The following MMS22L variants were observed in gnomAD, a reference collection of about 807,000 sequenced individuals.
The protein encoded by MMS22L is MMS22 like, DNA repair protein.
A neutral mutation model predicts 159.1 loss-of-function variants in MMS22L; 74 were observed. That is an observed-to-expected ratio of 0.47 (90% CI 0.39 to 0.56). The LOEUF is 0.56. Among genes scored for constraint, MMS22L ranks in the 20% least tolerant of loss-of-function variants. The pLI is 0.00. For missense variants in MMS22L, 1,351 were observed against 1,422.1 expected (o/e 0.95, Z 0.80); for synonymous variants, 517 against 506.9 (o/e 1.02, Z -0.27).
chr6:97,182,162 A>ATAT (rs2128275381), intron 15 of MMS22L, 108 bp from the exon 16 acceptor site: 2 of 858,204 alleles, frequency 2.3e-6, no homozygotes, highest in East Asian at 5.2e-5. Flanking sequence ...TTTAAGTAAC[A>ATAT]AATAATAAAA....
chr6:97,192,014 T>C (rs971272739), intron 14 of MMS22L, among the ~76,000 whole-genome samples: 1 of 152,178 alleles, frequency 6.6e-6, no homozygotes. Flanking sequence ...GTTTCAATCC[T>C]GAGTCCCAAT....
chr6:97,237,122 A>C (rs1229941896), intron 11 of MMS22L, among the ~76,000 whole-genome samples: 1 of 152,164 alleles, frequency 6.6e-6, no homozygotes, highest in Non-Finnish European at 1.5e-5. Context: ...GCAAAATGAA[A>C]AGAAAAATGA....
At chr6:97,242,081 G>C (rs1812139944) in intron 11 of MMS22L, among the ~76,000 whole-genome samples, 1 of 152,156 alleles carries the variant, frequency 6.6e-6, no homozygotes, top group African/African-American at 2.4e-5. Flanking sequence ...TCTGCAGTTT[G>C]AGTAGAATGT....
At chr6:97,172,086 G>A (rs970463627) in intron 19 of MMS22L, among the ~76,000 whole-genome samples, 1 of 151,888 alleles carries the variant, frequency 6.6e-6, no homozygotes, top group Non-Finnish European at 1.5e-5. Flanking sequence ...ATTTATCTTG[G>A]CAAAAATCTA....
intron 14 of MMS22L, among the ~76,000 whole-genome samples, chr6:97,193,180 T>C (rs1373148267): frequency 6.6e-6 from 1 of 152,210 alleles, no homozygotes; most frequent in Non-Finnish European, 1.5e-5. Context: ...TGCCAGGCTC[T>C]ATAGGGATTC....
rs193103193 is a variant in MMS22L at position 97,162,119 on chromosome 6, C to A, written c.3268G>T (p.Ala1090Ser). ...TGGAGGATGAAGGCCAGAATGGATG[C>A]TAAGCGAGGAGGAGGTGAGGACCCC... Reference protein sequence around the residue: ...YKGSSPPPRLASILAFILQLF... With the variant: ...YKGSSPPPRLSSILAFILQLF... Residue 1090 changes from alanine to serine, a missense_variant, in exon 22 of 25, where the codon GCA (alanine) becomes TCA (serine). By Grantham distance (99) the Ala-to-Ser change is moderately conservative. Coordinates refer to ENST00000683635, the MANE Select transcript of MMS22L (RefSeq NM_001350599.2). The A allele has an allele frequency of 2.5e-5, 41 of 1,610,916 alleles. 1 individual carries two copies. In the Admixed American group the frequency reaches 6.7e-4, roughly 26 times the overall value.
chr6:97,254,485 A>G (rs1475146933), intron 10 of MMS22L, 72 bp downstream of exon 10: 2 of 1,261,914 alleles, frequency 1.6e-6, no homozygotes, highest in South Asian at 2.8e-5. Flanking sequence ...CTGCTCACTT[A>G]TTTTCTAATT....
At chr6:97,269,277 G>C (rs890544896) in intron 7 of MMS22L, among the ~76,000 whole-genome samples, 3 of 152,018 alleles carry the variant, frequency 2.0e-5, no homozygotes, top group African/African-American at 7.2e-5. Context: ...CTACTGGCAA[G>C]AGTATGAAGT....
At chr6:97,162,340 T>C (rs1802534327) in intron 21 of MMS22L, among the ~76,000 whole-genome samples, 175 bp from the exon 22 acceptor site, 1 of 152,062 alleles carries the variant, frequency 6.6e-6, no homozygotes, top group Admixed American at 6.6e-5. Flanking sequence ...TTAGAAGCAA[T>C]GACTGACTGT....
intron 4 of MMS22L, among the ~76,000 whole-genome samples, chr6:97,275,202 A>C (rs1052722522): frequency 6.6e-6 from 1 of 152,234 alleles, no homozygotes; most frequent in African/African-American, 2.4e-5. Flanking sequence ...AGAAAAACTA[A>C]TCAATACAAA....
At chr6:97,190,926 C>T (rs772758397) in intron 14 of MMS22L, among the ~76,000 whole-genome samples, 38 of 152,276 alleles carry the variant, frequency 2.5e-4, no homozygotes, top group Non-Finnish European at 4.3e-4. Context: ...AACACCCACA[C>T]TTTCACATAC....
intron 2 of MMS22L, among the ~76,000 whole-genome samples, chr6:97,281,718 A>G (rs1365832829): frequency 1.3e-5 from 2 of 152,236 alleles, no homozygotes; most frequent in Non-Finnish European, 2.9e-5. Context: ...CCATGTCTGG[A>G]GAATAGTATC....
At chr6:97,204,148 T>A (rs1037565783) in intron 14 of MMS22L, among the ~76,000 whole-genome samples, 1 of 152,192 alleles carries the variant, frequency 6.6e-6, no homozygotes, top group African/African-American at 2.4e-5. Flanking sequence ...TTATTTGGCA[T>A]GTATTTGTAT....
intron 11 of MMS22L, among the ~76,000 whole-genome samples, chr6:97,237,829 T>C (rs906041290): frequency 1.3e-5 from 2 of 152,214 alleles, no homozygotes; most frequent in African/African-American, 4.8e-5. Flanking sequence ...CAGGTTCATA[T>C]TGATTCCTAT....
chr6:97,278,803 T>A, intron 4 of MMS22L, 46 bp downstream of exon 4: 3 of 1,536,060 alleles, frequency 2.0e-6, no homozygotes, highest in Non-Finnish European at 1.8e-6. Context: ...CAACTCACTA[T>A]AATGAAGCAC....
chr6:97,156,060 TTTG>T (rs1336670252), intron 22 of MMS22L, among the ~76,000 whole-genome samples: 1 of 152,222 alleles, frequency 6.6e-6, no homozygotes, highest in Non-Finnish European at 1.5e-5. Flanking sequence ...GTGGTTTTGA[TTTG>T]CATTTCTCTA....
chr6:97,167,793 AG>A (rs1161352266), intron 20 of MMS22L, among the ~76,000 whole-genome samples: 1 of 151,142 alleles, frequency 6.6e-6, no homozygotes, highest in African/African-American at 2.5e-5. Context: ...CCTCACCCAT[AG>A]TCTAATAGAT....
chr6:97,250,189 A>G (rs1162626610), intron 10 of MMS22L, among the ~76,000 whole-genome samples: 1 of 152,064 alleles, frequency 6.6e-6, no homozygotes, highest in Non-Finnish European at 1.5e-5. Context: ...AGCAGGTAGG[A>G]TGTCATCAAT....
intron 14 of MMS22L, among the ~76,000 whole-genome samples, chr6:97,196,535 G>C (rs1303891990): frequency 6.6e-6 from 1 of 152,000 alleles, no homozygotes; most frequent in Admixed American, 6.6e-5. Context: ...TATTGATAAG[G>C]AACAGGTCAT....
Sources: allele counts gnomAD v4.1 joint callset (sites outside exome capture counted in the v4.1 genomes callset), GRCh38; gene constraint gnomAD v4.1.1; transcripts MANE v1.5; gene names NCBI Gene and HGNC (gene_info 2026-07-23, HGNC 2026-07-21).